The following TMC1 variants were observed in gnomAD, a reference collection of about 807,000 sequenced individuals.
TMC1 encodes transmembrane channel like 1.
A neutral mutation model predicts 105.8 loss-of-function variants in TMC1; 84 were observed. The ratio of observed to expected loss-of-function variants is 0.79; its 90% CI spans 0.67 to 0.95. The LOEUF (loss-of-function observed/expected upper bound fraction) is 0.95. TMC1 is among the 40% of genes least tolerant of loss of function. TMC1 has a pLI of 0.00. For synonymous variants in TMC1, 315 were observed against 311.5 expected (o/e 1.01, Z -0.12); for missense variants, 817 against 914.1 (o/e 0.89, Z 1.37).
intron 1 of TMC1, among the ~76,000 whole-genome samples, chr9:72,561,643 A>G (rs1824052552): frequency 6.6e-6 from 1 of 152,224 alleles, no homozygotes. Flanking sequence ...ATTCTGTCCC[A>G]TCTTAGAGCA....
rs2132069559 is a variant in TMC1, at chr9:72,547,981, G to A, written c.-428+26068G>A. Among the ~76,000 whole-genome samples, 2 of 152,312 alleles carry A rather than the reference G, an allele frequency of 1.3e-5. 1 individual carries two copies. Among genetic ancestry groups the A allele is most frequent in the South Asian group, 4.1e-4 (2 of 4,828 alleles). ...TCTTGTTCTATCCTCACATGGCAGA[G>A]AGCAGAGAACAGACCATCTCTTGTG... is the stretch of plus-strand genomic sequence containing the variant. On this transcript the variant is annotated intron_variant, in intron 1 of 23. Coordinates refer to ENST00000297784, the MANE Select transcript of TMC1 (RefSeq NM_138691.3).
At chr9:72,574,419 A>C (rs6560293) in intron 1 of TMC1, among the ~76,000 whole-genome samples, 94,711 of 152,240 alleles carry the variant, frequency 0.62, 31,704 homozygotes, top group African/African-American at 0.89. Context: ...CTATCAGGAA[A>C]GCAAGGCCAA....
chr9:72,701,886 A>T (rs1008921372), intron 8 of TMC1, among the ~76,000 whole-genome samples: 1 of 152,158 alleles, frequency 6.6e-6, no homozygotes, highest in Non-Finnish European at 1.5e-5. Flanking sequence ...AACACCACAA[A>T]ATTGCAGTCT....
chr9:72,760,093 A>G (rs929143043), intron 12 of TMC1, among the ~76,000 whole-genome samples: 1 of 151,908 alleles, frequency 6.6e-6, no homozygotes, highest in Non-Finnish European at 1.5e-5. Context: ...TCATTTAAAT[A>G]TTATGCTTTA....
At chr9:72,592,444 G>C (rs1194379065) in intron 2 of TMC1, among the ~76,000 whole-genome samples, 1 of 152,044 alleles carries the variant, frequency 6.6e-6, no homozygotes, top group Non-Finnish European at 1.5e-5. Context: ...TCTTTTTGTT[G>C]GTTCCACTCA....
chr9:72,711,298 G>A (rs914291293), intron 8 of TMC1, among the ~76,000 whole-genome samples: 2 of 152,162 alleles, frequency 1.3e-5, no homozygotes, highest in Admixed American at 1.3e-4. Context: ...TGGGATGGCT[G>A]GGTCAAATGG....
chr9:72,782,488 G>T (rs1281265060), intron 13 of TMC1, among the ~76,000 whole-genome samples: 1 of 152,054 alleles, frequency 6.6e-6, no homozygotes, highest in African/African-American at 2.4e-5. Flanking sequence ...AGAAATAAAA[G>T]GCACGCAAAT....
intron 2 of TMC1, among the ~76,000 whole-genome samples, chr9:72,592,266 C>T (rs1240454872): frequency 1.3e-5 from 2 of 152,112 alleles, no homozygotes; most frequent in African/African-American, 4.8e-5. Context: ...TTGAGGGTTA[C>T]CTTTGAAACA....
intron 1 of TMC1, among the ~76,000 whole-genome samples, chr9:72,530,049 G>A (rs1587940060): frequency 6.6e-6 from 1 of 152,172 alleles, no homozygotes; most frequent in Admixed American, 6.5e-5. Flanking sequence ...ATGTTAAAGA[G>A]GGAATAAAGG....
intron 8 of TMC1, among the ~76,000 whole-genome samples, chr9:72,732,872 G>T (rs1486318228): frequency 6.6e-6 from 1 of 152,186 alleles, no homozygotes. Flanking sequence ...GATGAAGTGA[G>T]ATGATGGACA....
intron 5 of TMC1, among the ~76,000 whole-genome samples, chr9:72,652,743 C>G (rs1825832560): frequency 1.3e-5 from 2 of 152,248 alleles, no homozygotes; most frequent in South Asian, 2.1e-4. Context: ...AGAAAAAGCC[C>G]TTTGAAATTT....
At chr9:72,558,568 G>A (rs1823984573) in intron 1 of TMC1, among the ~76,000 whole-genome samples, 2 of 152,046 alleles carry the variant, frequency 1.3e-5, no homozygotes, top group African/African-American at 2.4e-5. Context: ...AGAATTTCAG[G>A]CTCAGTGATT....
At chr9:72,786,582 T>G (rs1828171927) in intron 13 of TMC1, among the ~76,000 whole-genome samples, 1 of 152,254 alleles carries the variant, frequency 6.6e-6, no homozygotes, top group Non-Finnish European at 1.5e-5. Context: ...ATAAGGTGGT[T>G]GAAAATGATA....
Position 72,821,088 on chromosome 9 carries a change from TG to T in TMC1, c.2003+8del, listed in dbSNP as rs1235051096. The T allele has an allele frequency of 1.9e-6, 3 of 1,614,210 alleles. No homozygotes were observed. In the African/African-American group the frequency reaches 4.0e-5, roughly 22 times the overall value. On this transcript the variant is annotated splice_region_variant and intron_variant, in intron 20 of 23. Transcript: ENST00000297784. ...TTGATTGTGGTCCATTCAGGTCTCT[TG>T]CTTTTGAAATTTGACTCAGGCATCG...
intron 10 of TMC1, among the ~76,000 whole-genome samples, chr9:72,743,283 C>T (rs1475353868): frequency 6.7e-6 from 1 of 149,532 alleles, no homozygotes; most frequent in East Asian, 2.0e-4. Context: ...AGGAGAATGG[C>T]GTGAACCCAG....
chr9:72,606,935 G>C (rs1019783244), intron 2 of TMC1, among the ~76,000 whole-genome samples: 3 of 139,822 alleles, frequency 2.1e-5, no homozygotes, highest in African/African-American at 8.4e-5. Flanking sequence ...TGAAGGCTAA[G>C]TAGGTTTATA....
chr9:72,787,813 T>C (rs571376624), intron 13 of TMC1, among the ~76,000 whole-genome samples: 3 of 152,260 alleles, frequency 2.0e-5, no homozygotes, highest in African/African-American at 7.2e-5. Context: ...TTTAATGTAC[T>C]CAATGTAATC....
intron 2 of TMC1, among the ~76,000 whole-genome samples, chr9:72,588,976 G>T (rs1397001971): frequency 1.3e-5 from 2 of 152,076 alleles, no homozygotes; most frequent in Non-Finnish European, 2.9e-5. Flanking sequence ...CTCCATGTTG[G>T]TCAGGCTGGT....
At chr9:72,713,235 CT>C (rs1211543190) in intron 8 of TMC1, among the ~76,000 whole-genome samples, 2 of 151,996 alleles carry the variant, frequency 1.3e-5, no homozygotes, top group Admixed American at 1.3e-4. Context: ...CTGAAATTTT[CT>C]TTTTTTGTTG....
Sources: allele counts gnomAD v4.1 joint callset (sites outside exome capture counted in the v4.1 genomes callset), GRCh38; gene constraint gnomAD v4.1.1; transcripts MANE v1.5; gene names NCBI Gene and HGNC (gene_info 2026-07-23, HGNC 2026-07-21).